The following SUGCT variants were observed in gnomAD, a reference collection of about 807,000 sequenced individuals.
SUGCT encodes the protein succinyl-CoA:glutarate CoA-transferase.
In SUGCT, 41 loss-of-function variants were observed where a neutral mutation model predicts 55.0. That is an observed-to-expected ratio of 0.74 (90% CI 0.58 to 0.97). The LOEUF is 0.97. Ranked by LOEUF, SUGCT falls within the 50% of genes least tolerant of loss-of-function variation. SUGCT has a pLI of 0.00. For synonymous variants in SUGCT, 187 were observed against 200.4 expected, an observed-to-expected ratio of 0.93 and a Z score of 0.56; for missense variants, 568 against 547.8, an observed-to-expected ratio of 1.04 and a Z score of -0.37.
rs984185011 is a variant in SUGCT at position 40,593,606 on chromosome 7, C to T, written c.1089+97220C>T. 1.2e-4 allele frequency among the ~76,000 whole-genome samples: 18 copies of T among 151,912 alleles called. No individual in the cohort carries two copies. In the South Asian group the frequency reaches 2.7e-3, roughly 23 times the overall value. ...CTGTAATCCCAGCACTTTGGGAGGCCGAGGAGGGCAGATAATTTGAGGTCA... is the reference window on the plus strand; with the variant it reads ...CTGTAATCCCAGCACTTTGGGAGGCTGAGGAGGGCAGATAATTTGAGGTCA... On this transcript the variant is annotated intron_variant, in intron 12 of 13. Coordinates refer to ENST00000335693, the MANE Select transcript of SUGCT (RefSeq NM_001193313.2).
intron 7 of SUGCT, among the ~76,000 whole-genome samples, chr7:40,242,933 A>ATATATATATATATATATATAT (rs1270335224): frequency 5.8e-5 from 1 of 17,214 alleles, no homozygotes. Context: ...ATATATATAT[A>ATATATATATATATATATATAT]TTTTTTTTTT....
At chr7:40,319,421 A>G (rs1795609044) in intron 9 of SUGCT, among the ~76,000 whole-genome samples, 1 of 152,176 alleles carries the variant, frequency 6.6e-6, no homozygotes, top group South Asian at 2.1e-4. Flanking sequence ...GATAATTATA[A>G]TTTAGTTTTC....
intron 7 of SUGCT, among the ~76,000 whole-genome samples, chr7:40,245,404 C>CACACACAT (rs1252155153): frequency 1.9e-5 from 1 of 53,312 alleles, no homozygotes; most frequent in African/African-American, 9.3e-5. Flanking sequence ...ACGTAGTAGA[C>CACACACAT]ATATATATAT....
chr7:40,176,142 G>T (rs1348409896), intron 1 of SUGCT, among the ~76,000 whole-genome samples: 1 of 151,928 alleles, frequency 6.6e-6, no homozygotes, highest in African/African-American at 2.4e-5. Flanking sequence ...TGAGGCAGGA[G>T]AATCACTTGA....
intron 11 of SUGCT, among the ~76,000 whole-genome samples, chr7:40,492,871 C>G (rs1448734654): frequency 6.6e-6 from 1 of 152,134 alleles, no homozygotes; most frequent in Non-Finnish European, 1.5e-5. Flanking sequence ...CTCCATTAGA[C>G]TATATGAACT....
the SUGCT span, among the ~76,000 whole-genome samples, chr7:40,961,174 A>T: frequency 6.6e-6 from 1 of 152,232 alleles, no homozygotes; most frequent in Non-Finnish European, 1.5e-5. Context: ...GATTCAAAAT[A>T]TTTAAAAATA....
At chr7:40,686,412 A>G (rs1784467636) in intron 12 of SUGCT, among the ~76,000 whole-genome samples, 2 of 152,218 alleles carry the variant, frequency 1.3e-5, no homozygotes, top group Admixed American at 6.5e-5. Context: ...AAAAACATTA[A>G]TCTATATATA....
At chr7:40,601,041 G>T (rs971507576) in intron 12 of SUGCT, among the ~76,000 whole-genome samples, 8 of 152,130 alleles carry the variant, frequency 5.3e-5, no homozygotes, top group Non-Finnish European at 1.0e-4. Flanking sequence ...AGAAAGAGGA[G>T]AAAAGGATAT....
intron 7 of SUGCT, among the ~76,000 whole-genome samples, chr7:40,262,520 C>T (rs947383291): frequency 6.8e-6 from 1 of 146,850 alleles, no homozygotes; most frequent in South Asian, 2.2e-4. Flanking sequence ...AAAAAATTAG[C>T]CGAGCGTGGT....
chr7:40,658,932 G>A (rs1265362089), intron 12 of SUGCT, among the ~76,000 whole-genome samples: 2 of 152,152 alleles, frequency 1.3e-5, no homozygotes, highest in African/African-American at 2.4e-5. Flanking sequence ...GGGGAAACTG[G>A]AGTGGTGTGG....
chr7:40,859,798 T>A (rs1794394821), intron 13 of SUGCT, among the ~76,000 whole-genome samples: 1 of 152,128 alleles, frequency 6.6e-6, no homozygotes, highest in Admixed American at 6.5e-5. Flanking sequence ...ACACATAACT[T>A]CTTCTACCAC....
chr7:40,869,614 C>G, the SUGCT span, among the ~76,000 whole-genome samples: 1 of 152,172 alleles, frequency 6.6e-6, no homozygotes, highest in Non-Finnish European at 1.5e-5. Context: ...TTTTAAGCCT[C>G]TAAGCTAGGA....
At chr7:40,746,539 G>A (rs1049852203) in intron 12 of SUGCT, among the ~76,000 whole-genome samples, 13 of 152,146 alleles carry the variant, frequency 8.5e-5, no homozygotes, top group African/African-American at 3.1e-4. Flanking sequence ...AATGTAAGAA[G>A]AATTTATATT....
At chr7:40,784,590 A>G (rs532861588) in intron 13 of SUGCT, among the ~76,000 whole-genome samples, 40 of 152,258 alleles carry the variant, frequency 2.6e-4, no homozygotes, top group African/African-American at 9.1e-4. Context: ...TTTCCAGTTC[A>G]TCTTTTCTGT....
intron 12 of SUGCT, among the ~76,000 whole-genome samples, chr7:40,577,960 A>G (rs1796858840): frequency 6.6e-6 from 1 of 152,220 alleles, no homozygotes; most frequent in African/African-American, 2.4e-5. Flanking sequence ...GACATTATCA[A>G]CATATATTTC....
the SUGCT span, among the ~76,000 whole-genome samples, chr7:40,940,129 G>C: frequency 1.3e-5 from 2 of 152,076 alleles, no homozygotes; most frequent in Admixed American, 6.6e-5. Flanking sequence ...TTATTGAATA[G>C]GATGTCCTTT....
intron 12 of SUGCT, among the ~76,000 whole-genome samples, chr7:40,727,925 CA>C (rs1335363917): frequency 6.6e-6 from 1 of 152,160 alleles, no homozygotes; most frequent in African/African-American, 2.4e-5. Flanking sequence ...ACTATTTCCT[CA>C]CTGTTCTAGC....
intron 12 of SUGCT, among the ~76,000 whole-genome samples, chr7:40,670,802 C>T (rs908331676): frequency 6.6e-6 from 1 of 151,858 alleles, no homozygotes; most frequent in Non-Finnish European, 1.5e-5. Context: ...CAAAAGAAAC[C>T]TTCAAGCCCA....
At chr7:40,279,472 A>G (rs1252015942) in intron 8 of SUGCT, among the ~76,000 whole-genome samples, 1 of 152,180 alleles carries the variant, frequency 6.6e-6, no homozygotes, top group Non-Finnish European at 1.5e-5. Flanking sequence ...GAAGCAATCT[A>G]CAAATATTTA....
Sources: gnomAD v4.1 joint callset for allele counts (sites outside exome capture counted in the v4.1 genomes callset) on GRCh38, gnomAD v4.1.1 for gene constraint, MANE v1.5 for transcripts, NCBI Gene and HGNC (gene_info 2026-07-23, HGNC 2026-07-21) for gene names.